IAH1: variants seen among roughly 807,000 people sequenced by gnomAD.
The protein encoded by IAH1 is isoamyl acetate-hydrolyzing esterase 1 homolog.
Under a neutral mutation model 26.7 loss-of-function variants are expected in IAH1, and 24 were observed. That is an observed-to-expected ratio of 0.90 (90% CI 0.65 to 1.26). IAH1 has a LOEUF of 1.26. Ranked by LOEUF, IAH1 falls within the 50% of genes most tolerant of loss-of-function variation. The pLI is 0.00. For missense variants in IAH1, 300 were observed against 299.9 expected, an observed-to-expected ratio of 1.00 and a Z score of 0.00; for synonymous variants, 140 against 118.5, an observed-to-expected ratio of 1.18 and a Z score of -1.18.
At chr2:9,496,095 G>A (rs1013530217) in intron 6 of IAH1, among the ~76,000 whole-genome samples, 15 of 151,534 alleles carry the variant, frequency 9.9e-5, no homozygotes, top group South Asian at 2.1e-4. Flanking sequence ...TTTAACTACC[G>A]GGTTCTTTGT....
intron 5 of IAH1, chr2:9,486,274 T>C (rs1661472734): frequency 6.6e-6 from 1 of 152,192 alleles, no homozygotes; most frequent in African/African-American, 2.4e-5. Flanking sequence ...CCTGGAGTAC[T>C]GGAACCTTCC....
At chr2:9,483,910 C>T (rs1022652639) in intron 4 of IAH1, among the ~76,000 whole-genome samples, 5 of 152,172 alleles carry the variant, frequency 3.3e-5, no homozygotes, top group African/African-American at 9.7e-5. Context: ...TCAGGCACAC[C>T]GCTATTTAGT....
At chr2:9,507,149 C>A in the IAH1 span, 1 of 152,054 alleles carries the variant, frequency 6.6e-6, no homozygotes, top group Non-Finnish European at 1.5e-5. Flanking sequence ...TTATTTTTGT[C>A]CTGTAAGCCC....
At position 9,495,028 on chromosome 2, in the gene IAH1, TCTAA is replaced by T. The variant is rs1553357021; in HGVS notation, c.*222+172_*222+175del. ...CTAGATTCAAGACCTCTCTTCAAAG[TCTAA>T]CTATTCTCTCCCCTTCAAGCCCCTC... On this transcript the variant is annotated intron_variant, in intron 6 of 6. Coordinates refer to the IAH1 transcript ENST00000481367. 2.0e-5 allele frequency among the ~76,000 whole-genome samples: 3 copies of T among 152,142 alleles called. 1 individual carries two copies. The highest frequency in any genetic ancestry group is 4.1e-4 in the South Asian group (2 of 4,824).
rs551390912 is a variant in IAH1 at position 9,488,397 on chromosome 2, G to A, written c.*68G>A. Reference sequence around the variant, plus strand: ...CAAAGTTGTCAATACGTAGAGGTACGCTTTTTTCCTCAGGCTTAAACCTTT... The same window carrying A: ...CAAAGTTGTCAATACGTAGAGGTACACTTTTTTCCTCAGGCTTAAACCTTT... On this transcript the variant is annotated 3_prime_UTR_variant, in exon 6 of 6. Transcript: ENST00000497473. The A allele has an allele frequency of 1.3e-5, 16 of 1,256,760 alleles. No homozygotes were observed. The highest frequency in any genetic ancestry group is 2.5e-5 in the Admixed American group (1 of 39,396). The allele number at this position is 1,256,760 out of a possible 1,614,324, so 77.9% of individuals were successfully genotyped here.
chr2:9,502,410 C>A, the IAH1 span: 1 of 696,440 alleles, frequency 1.4e-6, no homozygotes, highest in Non-Finnish European at 2.5e-6. Context: ...ACTCCTACAT[C>A]ATCAGACATC....
the IAH1 span, among the ~76,000 whole-genome samples, chr2:9,504,406 C>T: frequency 6.6e-6 from 1 of 151,990 alleles, no homozygotes; most frequent in Non-Finnish European, 1.5e-5. Flanking sequence ...GATCGCGCCA[C>T]TGCACTCCAG....
chr2:9,490,052 C>G (rs1661986239), downstream of IAH1: 1 of 930,574 alleles, frequency 1.1e-6, no homozygotes, highest in Non-Finnish European at 1.6e-6. Context: ...GCAGGAAGTT[C>G]AAACACATGA....
At chr2:9,496,679 TGG>T (rs140782891), downstream of IAH1, 1,750 of 157,848 alleles carry the variant, frequency 0.011, 29 homozygotes, top group African/African-American at 0.04. Context: ...CCTCATCTAG[TGG>T]GGTTAGGTCC....
chr2:9,487,172 G>T (rs1661555490), intron 5 of IAH1, among the ~76,000 whole-genome samples: 1 of 152,076 alleles, frequency 6.6e-6, no homozygotes, highest in Non-Finnish European at 1.5e-5. Flanking sequence ...AGCCCAGGAG[G>T]TTGAGGCTGC....
intron 5 of IAH1, among the ~76,000 whole-genome samples, chr2:9,487,833 T>TGTGTGCGC (rs1192269311): frequency 2.3e-4 from 19 of 82,704 alleles, no homozygotes; most frequent in Admixed American, 3.4e-4. Context: ...TGTGTGTGTG[T>TGTGTGCGC]GCGCGCGCGC....
At chr2:9,502,563 A>G in the IAH1 span, among the ~76,000 whole-genome samples, 1 of 152,138 alleles carries the variant, frequency 6.6e-6, no homozygotes, top group Non-Finnish European at 1.5e-5. Context: ...CATTCATTTA[A>G]CGCATTAATT....
intron 1 of IAH1, chr2:9,475,293 G>C: frequency 1.0e-6 from 1 of 989,222 alleles, no homozygotes; most frequent in Non-Finnish European, 1.4e-6. Context: ...GCTTCACCAG[G>C]CTTTTGTGTA....
the IAH1 span, chr2:9,506,906 T>C: frequency 6.6e-6 from 1 of 152,224 alleles, no homozygotes; most frequent in African/African-American, 2.4e-5. Context: ...CCCGCAACTC[T>C]GGCTTTCTGC....
chr2:9,491,310 A>G (rs527921203), downstream of IAH1, among the ~76,000 whole-genome samples: 1 of 152,318 alleles, frequency 6.6e-6, no homozygotes, highest in African/African-American at 2.4e-5. Flanking sequence ...TTCTCACCCA[A>G]GCTTTAGTTA....
At chr2:9,487,868 C>A (rs1558485309) in intron 5 of IAH1, among the ~76,000 whole-genome samples, 1 of 151,142 alleles carries the variant, frequency 6.6e-6, no homozygotes, top group Non-Finnish European at 1.5e-5. Context: ...GGGAGACAGT[C>A]TATCACCCAG....
chr2:9,496,147 G>T (rs1662580494), intron 6 of IAH1, among the ~76,000 whole-genome samples: 1 of 151,734 alleles, frequency 6.6e-6, no homozygotes, highest in South Asian at 2.1e-4. Context: ...TTATTTATTT[G>T]AAATGGAGTC....
rs1410624557 is a variant in IAH1, at chr2:9,481,137, T to C, written c.284-149T>C. 2.2e-5 allele frequency: 18 copies of C among 814,100 alleles called. 1 individual carries two copies. The highest frequency in any genetic ancestry group is 7.2e-5 in the South Asian group (4 of 55,256). 50.4% of individuals were successfully genotyped at this position (814,100 alleles called of 1,614,324 possible). A position where few individuals can be genotyped will look rare whatever the true frequency, so the allele number is the denominator to read the frequency against. On this transcript the variant is annotated intron_variant, in intron 3 of 5. Transcript: ENST00000497473. ...ATGAAGAACTATACATTTTAATTCA[T>C]AAGGAGAAAACCTTCTCTTTGTGTC...
At chr2:9,487,762 A>C (rs998677442) in intron 5 of IAH1, among the ~76,000 whole-genome samples, 1 of 151,166 alleles carries the variant, frequency 6.6e-6, no homozygotes, top group African/African-American at 2.4e-5. Context: ...CATTTAGAAA[A>C]GTTATACCCT....
Sources: gnomAD v4.1 joint callset for allele counts (sites outside exome capture counted in the v4.1 genomes callset) on GRCh38, gnomAD v4.1.1 for gene constraint, MANE v1.5 for transcripts, NCBI Gene and HGNC (gene_info 2026-07-23, HGNC 2026-07-21) for gene names.